MRPL47: variants seen among roughly 807,000 people sequenced by gnomAD.
MRPL47 encodes large ribosomal subunit protein uL29m.
Under a neutral mutation model 34.0 loss-of-function variants are expected in MRPL47, and 31 were observed. The ratio of observed to expected loss-of-function variants is 0.91; its 90% CI spans 0.68 to 1.23. The LOEUF is 1.23. Ranked by LOEUF, MRPL47 falls within the 50% of genes most tolerant of loss-of-function variation. The pLI is 0.00. For synonymous variants in MRPL47, 106 were observed against 101.6 expected (o/e 1.04, Z -0.26); for missense variants, 328 against 285.8 (o/e 1.15, Z -1.07).
chr3:179,603,497 C>T (rs1718978641), intron 1 of MRPL47, among the ~76,000 whole-genome samples: 2 of 152,150 alleles, frequency 1.3e-5, no homozygotes, highest in South Asian at 4.1e-4. Flanking sequence ...TGAGATCACA[C>T]CATTGCACTC....
intron 5 of MRPL47, 53 bp from the exon 6 acceptor site, chr3:179,592,792 T>A: frequency 1.7e-6 from 2 of 1,154,844 alleles, no homozygotes; most frequent in East Asian, 4.7e-5. Flanking sequence ...TAATACATTT[T>A]CACTTTCCTA....
rs764080665 is a variant in MRPL47, at chr3:179,593,760, C to CA, written c.533+4dup. 1 of 1,612,450 alleles carries CA rather than the reference C, an allele frequency of 6.2e-7. No homozygotes were observed. The highest frequency in any genetic ancestry group is 8.5e-7 in the Non-Finnish European group (1 of 1,179,360). ...CTTAGAAGAGCCACAGTGTTAACTA[C>CA]ATACCAGATGATTCTTCCAAAGATG... On this transcript the variant is annotated splice_donor_region_variant and intron_variant, in intron 5 of 6. Coordinates refer to ENST00000476781, the MANE Select transcript of MRPL47 (RefSeq NM_020409.3).
chr3:179,602,787 T>A lies in MRPL47; in HGVS notation c.109A>T (p.Ser37Cys), dbSNP rs1030259644. ...TTTGGTGTACTCTTAGGCAACAAAC[T>A]AAGAAAAAACCTGCAATTGAACACA... ...QVPACTGFFL[S>C]LLPKSTPNVT... The change falls in exon 2 of 7, where the codon AGT (serine) becomes TGT (cysteine). Residue 37 changes from serine to cysteine, a missense_variant. By Grantham distance (112) the Ser-to-Cys change is moderately radical. Coordinates refer to ENST00000476781, the MANE Select transcript of MRPL47 (RefSeq NM_020409.3). 6.2e-7 allele frequency: 1 copy of A among 1,601,500 alleles called. No individual in the cohort carries two copies. Among genetic ancestry groups the A allele is most frequent in the Non-Finnish European group, 8.5e-7 (1 of 1,176,964 alleles).
At chr3:179,590,097 TAGGG>T (rs898616221) in intron 6 of MRPL47, among the ~76,000 whole-genome samples, 3 of 152,094 alleles carry the variant, frequency 2.0e-5, no homozygotes, top group Non-Finnish European at 2.9e-5. Flanking sequence ...AATCCCAACT[TAGGG>T]AGGCCGAGGT....
intron 4 of MRPL47, among the ~76,000 whole-genome samples, chr3:179,597,060 G>A (rs1718803967): frequency 6.6e-6 from 1 of 152,226 alleles, no homozygotes; most frequent in South Asian, 2.1e-4. Context: ...AAAATACTGT[G>A]TATGGAGGAC....
chr3:179,589,264 T>A (rs978608145), intron 6 of MRPL47, among the ~76,000 whole-genome samples: 3 of 152,044 alleles, frequency 2.0e-5, no homozygotes, highest in African/African-American at 7.3e-5. Flanking sequence ...GGCCTTAAGT[T>A]CAATCCTCAT....
intron 5 of MRPL47, among the ~76,000 whole-genome samples, chr3:179,593,366 A>C (rs1018870250): frequency 3.9e-5 from 6 of 152,212 alleles, no homozygotes; most frequent in Admixed American, 3.9e-4. Flanking sequence ...TCAATGTGCA[A>C]AGAGGGCAGG....
At chr3:179,598,938 C>T (rs1162793424) in intron 3 of MRPL47, among the ~76,000 whole-genome samples, 167 bp from the exon 4 acceptor site, 3 of 152,120 alleles carry the variant, frequency 2.0e-5, no homozygotes, top group Middle Eastern at 3.4e-3. Context: ...GTAGGAGGAT[C>T]GCTTGACCTT....
rs544286893 is a variant in MRPL47 at position 179,596,745 on chromosome 3, A to C, written c.402+1930T>G. Among the ~76,000 whole-genome samples the C allele has an allele frequency of 2.0e-5, 3 of 152,308 alleles. No individual in the cohort carries two copies. In the South Asian group the frequency reaches 6.2e-4, roughly 32 times the overall value. ...TGGCTCACTGCAGCCTCAACCTCCCAGGCCCTATACTTTTAAAAAAGTTCA... is the reference window on the plus strand; with the variant it reads ...TGGCTCACTGCAGCCTCAACCTCCCCGGCCCTATACTTTTAAAAAAGTTCA... On this transcript the variant is annotated intron_variant, in intron 4 of 6. Coordinates refer to ENST00000476781, the MANE Select transcript of MRPL47 (RefSeq NM_020409.3).
chr3:179,589,081 A>G, intron 6 of MRPL47, 86 bp from the exon 7 acceptor site: 1 of 1,333,040 alleles, frequency 7.5e-7, no homozygotes, highest in Non-Finnish European at 1.0e-6. Flanking sequence ...AATCAATTAC[A>G]TCAAAGCTTC....
Position 179,598,672 on chromosome 3 carries a change from T to A in MRPL47, c.402+3A>T. Reference sequence around the variant, plus strand: ...CCAGTCTCCAGCCTCTCCCAATCCTTACCTTATCTAACCGCTCTGGACTTG... The same window carrying A: ...CCAGTCTCCAGCCTCTCCCAATCCTAACCTTATCTAACCGCTCTGGACTTG... On this transcript the variant is annotated splice_donor_region_variant and intron_variant, in intron 4 of 6. Transcript: ENST00000476781. 1 of 1,598,352 alleles carries A rather than the reference T, an allele frequency of 6.3e-7. No homozygotes were observed. Among genetic ancestry groups the A allele is most frequent in the Non-Finnish European group, 8.6e-7 (1 of 1,165,966 alleles).
intron 6 of MRPL47, among the ~76,000 whole-genome samples, chr3:179,591,247 T>C (rs1171694458): frequency 6.6e-6 from 1 of 152,176 alleles, no homozygotes; most frequent in Non-Finnish European, 1.5e-5. Context: ...TTCTGATTTC[T>C]AGCACCTTTA....
chr3:179,589,426 T>TA lies in MRPL47; in HGVS notation c.630-432dup, dbSNP rs368113513. ...TAAATTCTTAGGCTCTGGCTAGACT[T>TA]ACTATTCTTTAAATGAGTTTGTTCC... On this transcript the variant is annotated intron_variant, in intron 6 of 6. Coordinates refer to ENST00000476781, the MANE Select transcript of MRPL47 (RefSeq NM_020409.3). Among the ~76,000 whole-genome samples the TA allele has an allele frequency of 2.7e-4, 41 of 152,350 alleles. No homozygotes were observed. The East Asian group carries it at 7.9e-3, about 29-fold the overall frequency.
intron 1 of MRPL47, 63 bp from the exon 2 acceptor site, chr3:179,602,860 A>G (rs963051059): frequency 8.1e-7 from 1 of 1,233,144 alleles, no homozygotes; most frequent in Non-Finnish European, 1.1e-6. Flanking sequence ...TAAGCAATAA[A>G]CATTATCATA....
At chr3:179,594,215 C>A (rs1193690705) in intron 4 of MRPL47, among the ~76,000 whole-genome samples, 10 of 152,096 alleles carry the variant, frequency 6.6e-5, no homozygotes, top group Non-Finnish European at 1.0e-4. Context: ...ACTCAATGAG[C>A]TAATAAGAAG....
intron 2 of MRPL47, 53 bp downstream of exon 2, chr3:179,602,593 CGGGGCG>C: frequency 2.2e-5 from 18 of 806,162 alleles, no homozygotes; most frequent in South Asian, 7.0e-5. Context: ...GATGGTTGGG[CGGGGCG>C]GGGGGGGGGG....
chr3:179,589,732 A>G (rs1718625227), intron 6 of MRPL47, among the ~76,000 whole-genome samples: 1 of 152,184 alleles, frequency 6.6e-6, no homozygotes, highest in African/African-American at 2.4e-5. Context: ...GTCATAGAAA[A>G]TTGAGATAAC....
At chr3:179,599,696 T>C (rs1576869812) in intron 3 of MRPL47, among the ~76,000 whole-genome samples, 1 of 152,340 alleles carries the variant, frequency 6.6e-6, no homozygotes, top group South Asian at 2.1e-4. Flanking sequence ...GAAACATCTC[T>C]TCTAGCTAAG....
At chr3:179,598,233 A>G (rs1409422416) in intron 4 of MRPL47, among the ~76,000 whole-genome samples, 1 of 152,044 alleles carries the variant, frequency 6.6e-6, no homozygotes, top group Non-Finnish European at 1.5e-5. Flanking sequence ...CCAAAGATAC[A>G]AAAATTAACT....
Sources: gnomAD v4.1 joint callset for allele counts (sites outside exome capture counted in the v4.1 genomes callset) on GRCh38, gnomAD v4.1.1 for gene constraint, MANE v1.5 for transcripts, NCBI Gene and HGNC (gene_info 2026-07-23, HGNC 2026-07-21) for gene names.